The following ARMC8 variants were observed in gnomAD, a reference collection of about 807,000 sequenced individuals.
ARMC8 encodes armadillo repeat-containing protein 8.
ARMC8 carries 20 observed loss-of-function variants against 99.3 expected under a neutral mutation model. That is an observed-to-expected ratio of 0.20 (90% confidence interval 0.14 to 0.29). The LOEUF is 0.29. ARMC8 is among the 10% of genes least tolerant of loss of function. The pLI is 1.00. For synonymous variants in ARMC8, 263 were observed against 278.3 expected, an observed-to-expected ratio of 0.95 and a Z score of 0.55; for missense variants, 569 against 809.5, an observed-to-expected ratio of 0.70 and a Z score of 3.60.
rs537725576 is a variant in ARMC8, at chr3:138,247,231, G to A, written c.1134+2048G>A. On this transcript the variant is annotated intron_variant, in intron 12 of 21. Transcript: ENST00000469044. ...TTTCTCCATGAAATATTTATTTCTT[G>A]TTTACACTTATGTCTTATGAACTTG... 7.2e-5 allele frequency among the ~76,000 whole-genome samples: 11 copies of A among 152,064 alleles called. No homozygotes were observed. The East Asian group carries it at 1.7e-3, about 24-fold the overall frequency.
intron 2 of ARMC8, among the ~76,000 whole-genome samples, chr3:138,216,045 A>ATTT (rs755521341): frequency 7.8e-6 from 1 of 128,534 alleles, no homozygotes; most frequent in African/African-American, 2.9e-5. Context: ...TGCCCAGCTA[A>ATTT]TTTTTTTTTT....
chr3:138,281,625 A>G (rs2049938266), intron 18 of ARMC8, among the ~76,000 whole-genome samples: 1 of 152,028 alleles, frequency 6.6e-6, no homozygotes, highest in Non-Finnish European at 1.5e-5. Context: ...GCTTGTCTCC[A>G]TAGGAATATT....
At chr3:138,194,282 A>T (rs1292182262) in intron 1 of ARMC8, among the ~76,000 whole-genome samples, 1 of 148,298 alleles carries the variant, frequency 6.7e-6, no homozygotes, top group African/African-American at 2.5e-5. Context: ...TGACCTCGTG[A>T]TCCGCCCGCC....
intron 2 of ARMC8, among the ~76,000 whole-genome samples, chr3:138,217,440 A>G (rs1156479858): frequency 6.7e-6 from 1 of 150,276 alleles, no homozygotes; most frequent in East Asian, 1.9e-4. Flanking sequence ...TTTTAATAGC[A>G]ACATATAGTG....
chr3:138,280,640 C>T (rs2049810889), intron 18 of ARMC8, among the ~76,000 whole-genome samples: 1 of 151,928 alleles, frequency 6.6e-6, no homozygotes, highest in African/African-American at 2.4e-5. Context: ...ATTATAGGCG[C>T]CTGCCACCAT....
chr3:138,203,165 T>C (rs993733848), intron 1 of ARMC8, among the ~76,000 whole-genome samples: 1 of 152,230 alleles, frequency 6.6e-6, no homozygotes. Context: ...TTAATTTGTC[T>C]CCAACAATCT....
chr3:138,274,628 C>T, intron 18 of ARMC8, 84 bp downstream of exon 18: 2 of 985,208 alleles, frequency 2.0e-6, no homozygotes, highest in Non-Finnish European at 1.6e-6. Flanking sequence ...ATATTCAAAT[C>T]TGCAGAAGAC....
At chr3:138,237,190 G>A in intron 7 of ARMC8, 119 bp from the exon 8 acceptor site, 2 of 804,366 alleles carry the variant, frequency 2.5e-6, no homozygotes, top group Non-Finnish European at 4.1e-6. Context: ...ATTTCTTTGA[G>A]GCCTGTTAGT....
intron 10 of ARMC8, among the ~76,000 whole-genome samples, chr3:138,240,054 A>C (rs1239279908): frequency 1.3e-5 from 2 of 152,166 alleles, no homozygotes; most frequent in Admixed American, 1.3e-4. Flanking sequence ...AAAAGTCCTA[A>C]AACCTGGATT....
At chr3:138,259,968 CT>C (rs534774899) in intron 12 of ARMC8, among the ~76,000 whole-genome samples, 19 of 152,154 alleles carry the variant, frequency 1.2e-4, no homozygotes, top group Non-Finnish European at 2.4e-4. Flanking sequence ...CCAAGGTGTT[CT>C]TTCTACCATG....
Position 138,284,433 on chromosome 3 carries a change from A to G in ARMC8, c.1728A>G (p.Thr576=). 2 of 1,612,590 alleles carry G rather than the reference A, an allele frequency of 1.2e-6. No homozygotes were observed. The highest frequency in any genetic ancestry group is 1.7e-6 in the Non-Finnish European group (2 of 1,178,644). The change falls in exon 19 of 22, where the codon ACA becomes ACG. Residue 576 remains threonine (T), a splice_region_variant and synonymous_variant. Transcript: ENST00000469044. ...GTTGGCCCTTTGTTCTTTTCCAGACACTGTGCATCTTAGCCAACATAGCGG... is the reference window on the plus strand; with the variant it reads ...GTTGGCCCTTTGTTCTTTTCCAGACGCTGTGCATCTTAGCCAACATAGCGG... ...GEHNIEVKEQ[T]LCILANIADG...
intron 1 of ARMC8, chr3:138,187,917 G>A: frequency 2.4e-6 from 1 of 416,830 alleles, no homozygotes; most frequent in Non-Finnish European, 4.3e-6. Flanking sequence ...GTTTCACTGA[G>A]CCTTCCTTTT....
intron 9 of ARMC8, chr3:138,238,032 A>G (rs2046418418): frequency 6.6e-6 from 1 of 152,340 alleles, no homozygotes; most frequent in South Asian, 2.1e-4. Flanking sequence ...AAAATCTTCA[A>G]AAGTTGTGAT....
chr3:138,234,590 C>T (rs930241532), intron 6 of ARMC8, among the ~76,000 whole-genome samples: 2 of 152,172 alleles, frequency 1.3e-5, no homozygotes, highest in African/African-American at 4.8e-5. Context: ...TAGAGTTCCC[C>T]TGACTAGCTC....
chr3:138,188,172 T>A (rs1247659084), intron 1 of ARMC8: 1 of 301,092 alleles, frequency 3.3e-6, no homozygotes, highest in Admixed American at 4.4e-5. Context: ...CTGCAACTCT[T>A]CCTAGTGTGT....
At position 138,187,513 on chromosome 3, in the gene ARMC8, C is replaced by A. The variant is rs1576544509; in HGVS notation, c.-42C>A. The A allele has an allele frequency of 1.3e-6, 2 of 1,534,394 alleles. No homozygotes were observed. The highest frequency in any genetic ancestry group is 1.7e-6 in the Non-Finnish European group (2 of 1,145,512). On this transcript the variant is annotated 5_prime_UTR_variant, in exon 1 of 22. Coordinates refer to ENST00000469044, the MANE Select transcript of ARMC8 (RefSeq NM_001363941.2). ...ATAGTTGGCTGTCGAAAGTGCCGGC[C>A]CCCGCGCCGGCGCCTGCAGCAGCCG...
intron 1 of ARMC8, chr3:138,188,570 A>G (rs773326994): frequency 3.3e-5 from 54 of 1,613,672 alleles, no homozygotes; most frequent in Non-Finnish European, 4.4e-5. Flanking sequence ...GTTGGAAACA[A>G]GCAGGCAAAT....
chr3:138,252,675 C>T (rs1011916911), intron 12 of ARMC8, among the ~76,000 whole-genome samples: 15 of 141,990 alleles, frequency 1.1e-4, no homozygotes, highest in African/African-American at 2.8e-4. Flanking sequence ...AGGATGGTCC[C>T]GAACTCCTGA....
intron 6 of ARMC8, among the ~76,000 whole-genome samples, chr3:138,234,030 TTGA>T (rs2046199583): frequency 6.6e-6 from 1 of 151,984 alleles, no homozygotes; most frequent in Admixed American, 6.5e-5. Flanking sequence ...GAAAACAGAA[TTGA>T]TGAAAAAAAA....
Sources: gnomAD v4.1 joint callset for allele counts (sites outside exome capture counted in the v4.1 genomes callset) on GRCh38, gnomAD v4.1.1 for gene constraint, MANE v1.5 for transcripts, NCBI Gene and HGNC (gene_info 2026-07-23, HGNC 2026-07-21) for gene names.